The following BMP7 variants were observed in gnomAD, a reference collection of about 807,000 sequenced individuals.
The protein encoded by BMP7 is osteogenic protein 1.
Under a neutral mutation model 41.2 loss-of-function variants are expected in BMP7, and 12 were observed. That is an observed-to-expected ratio of 0.29 (90% CI 0.19 to 0.47). BMP7 has a LOEUF of 0.47. Among genes scored for constraint, BMP7 ranks in the 20% least tolerant of loss-of-function variants. BMP7 has a pLI of 0.99. For missense variants in BMP7, 467 were observed against 606.0 expected (o/e 0.77, Z 2.41); for synonymous variants, 248 against 250.0 (o/e 0.99, Z 0.07).
intron 3 of BMP7, among the ~76,000 whole-genome samples, chr20:57,192,298 T>TATATATACTATAATATATATAGTATATAG (rs1177477030): frequency 7.2e-6 from 1 of 138,678 alleles, no homozygotes; most frequent in Middle Eastern, 3.4e-3. Flanking sequence ...ATAGTATATA[T>TATATATACTATAATATATATAGTATATAG]TATATATAAA....
intron 3 of BMP7, among the ~76,000 whole-genome samples, chr20:57,187,554 C>CCCCT (rs1555812218): frequency 6.9e-6 from 1 of 144,020 alleles, no homozygotes; most frequent in Non-Finnish European, 1.5e-5. Context: ...GGAAGCCTGC[C>CCCCT]CTCTCTCTCT....
At chr20:57,240,390 T>C (rs758339667) in intron 1 of BMP7, among the ~76,000 whole-genome samples, 4 of 152,242 alleles carry the variant, frequency 2.6e-5, no homozygotes, top group Non-Finnish European at 5.9e-5. Flanking sequence ...TTATTGTCCA[T>C]ATCACTATCA....
chr20:57,266,442 A>G lies in BMP7; in HGVS notation c.-320T>C. 5.3e-6 allele frequency: 1 copy of G among 189,206 alleles called. No homozygotes were observed. The allele number at this position is 189,206 out of a possible 1,614,324, so 11.7% of individuals were successfully genotyped here. On this transcript the variant is annotated 5_prime_UTR_variant, in exon 1 of 7. Coordinates refer to ENST00000395863, the MANE Select transcript of BMP7 (RefSeq NM_001719.3). Reference sequence around the variant, plus strand: ...GCAGCCAGCAAGCCTAGGAGTCCAGAGAGCCAACGCCGGGGAGGCAGCGAG... The same window carrying G: ...GCAGCCAGCAAGCCTAGGAGTCCAGGGAGCCAACGCCGGGGAGGCAGCGAG...
intron 1 of BMP7, among the ~76,000 whole-genome samples, chr20:57,229,789 C>T (rs1394771517): frequency 2.0e-5 from 3 of 152,208 alleles, no homozygotes. Context: ...TTATGGCTGC[C>T]CGGTTCCAAG....
At chr20:57,254,017 C>CTTTTTTTTTTT (rs35180643) in intron 1 of BMP7, among the ~76,000 whole-genome samples, 7 of 71,536 alleles carry the variant, frequency 9.8e-5, no homozygotes, top group African/African-American at 1.9e-4. Context: ...GGTTTCTTTC[C>CTTTTTTTTTTT]TTTTTTTTTT....
At chr20:57,250,893 G>A (rs180713864) in intron 1 of BMP7, among the ~76,000 whole-genome samples, 1 of 152,198 alleles carries the variant, frequency 6.6e-6, no homozygotes, top group African/African-American at 2.4e-5. Flanking sequence ...GTGTCCAGTC[G>A]ACACCGACAA....
chr20:57,206,281 G>A (rs983368739), intron 2 of BMP7, among the ~76,000 whole-genome samples: 1 of 152,166 alleles, frequency 6.6e-6, no homozygotes, highest in African/African-American at 2.4e-5. Context: ...CTTCGCCACT[G>A]CTGAGAATCT....
chr20:57,217,635 G>A (rs1211270012), intron 2 of BMP7, among the ~76,000 whole-genome samples: 1 of 152,148 alleles, frequency 6.6e-6, no homozygotes, highest in South Asian at 2.1e-4. Context: ...CCCTCCAAAC[G>A]CTGGGTGACT....
rs147963065 is a variant in BMP7 at position 57,183,762 on chromosome 20, C to A, written c.918G>T (p.Thr306=). 1 of 1,614,150 alleles carries A rather than the reference C, an allele frequency of 6.2e-7. No individual in the cohort carries two copies. Among genetic ancestry groups the A allele is most frequent in the Non-Finnish European group, 8.5e-7 (1 of 1,180,038 alleles). ...TCCGCAGGGCTTCCTGGTTCTTGGGCGTCTTGGAGCGGTTCTGGCTGCGCT... is the reference window on the plus strand; with the variant it reads ...TCCGCAGGGCTTCCTGGTTCTTGGGAGTCTTGGAGCGGTTCTGGCTGCGCT... ...SKQRSQNRSK[T]PKNQEALRMA... is the part of the protein sequence containing the mutation. Residue 306 remains threonine (T), a synonymous_variant, in exon 4 of 7, where the codon ACG becomes ACT. Transcript: ENST00000395863.
At chr20:57,216,550 G>A (rs548884102) in intron 2 of BMP7, among the ~76,000 whole-genome samples, 123 of 149,486 alleles carry the variant, frequency 8.2e-4, no homozygotes, top group Admixed American at 2.5e-3. Context: ...TCCTGAGGGC[G>A]AGGGGCTGTC....
chr20:57,208,010 T>C (rs1212390021), intron 2 of BMP7, among the ~76,000 whole-genome samples: 1 of 151,644 alleles, frequency 6.6e-6, no homozygotes, highest in Non-Finnish European at 1.5e-5. Flanking sequence ...TTTGTATTTT[T>C]AGTAGAGACG....
chr20:57,207,815 T>TG (rs1984770681), intron 2 of BMP7, among the ~76,000 whole-genome samples: 1 of 32,646 alleles, frequency 3.1e-5, no homozygotes. Context: ...CAGTTGGTTT[T>TG]TTTTTTTTTT....
chr20:57,174,806 G>A lies in BMP7; in HGVS notation c.1035+125C>T, dbSNP rs767301115. On this transcript the variant is annotated intron_variant, in intron 5 of 6. Transcript: ENST00000395863. The surrounding 1 kb of genome is among the most constrained non-coding windows in gnomAD (Gnocchi z 4.3). ...CTTAGCCCAAGTCCCCTTCCCTAGC[G>A]AGGCCACTTGATACTGGAGTCTTAA... The A allele has an allele frequency of 7.8e-5, 83 of 1,065,060 alleles. No homozygotes were observed. The highest frequency in any genetic ancestry group is 1.1e-4 in the Non-Finnish European group (78 of 718,358). The allele number at this position is 1,065,060 out of a possible 1,614,324, so 66.0% of individuals were successfully genotyped here. A position where few individuals can be genotyped will look rare whatever the true frequency, so the allele number is the denominator to read the frequency against.
chr20:57,230,737 C>T (rs1275189088), intron 1 of BMP7, among the ~76,000 whole-genome samples: 1 of 149,948 alleles, frequency 6.7e-6, no homozygotes, highest in African/African-American at 2.5e-5. Flanking sequence ...AGTGCAGTGG[C>T]GCGATCTCGG....
chr20:57,250,339 A>ATATC (rs1568729802), intron 1 of BMP7, among the ~76,000 whole-genome samples: 1 of 146,022 alleles, frequency 6.8e-6, no homozygotes, highest in African/African-American at 2.5e-5. Context: ...AATATATAAT[A>ATATC]TATATCTATA....
At chr20:57,234,305 G>T (rs1017716146) in intron 1 of BMP7, among the ~76,000 whole-genome samples, 1 of 152,208 alleles carries the variant, frequency 6.6e-6, no homozygotes, top group Admixed American at 6.5e-5. Context: ...TCCCCGCCTT[G>T]ATCTCTAAGG....
chr20:57,180,168 T>C (rs1729251462), intron 4 of BMP7, among the ~76,000 whole-genome samples: 1 of 152,106 alleles, frequency 6.6e-6, no homozygotes, highest in Non-Finnish European at 1.5e-5. Flanking sequence ...GCAGCCAGAA[T>C]GATCTTATCA....
At position 57,266,200 on chromosome 20, in the gene BMP7, G is replaced by C; in HGVS notation, c.-78C>G. On this transcript the variant is annotated 5_prime_UTR_variant, in exon 1 of 7. Transcript: ENST00000395863. ...CAGGTGGCAGAGGGGGCAGGCGGCC[G>C]TCCGCGCCGCTCGGTCACTTGCTGC... is the stretch of plus-strand genomic sequence containing the variant. 1 of 1,350,546 alleles carries C rather than the reference G, an allele frequency of 7.4e-7. No individual in the cohort carries two copies. The highest frequency in any genetic ancestry group is 9.5e-7 in the Non-Finnish European group (1 of 1,049,940). The allele number at this position is 1,350,546 out of a possible 1,614,324, so 83.7% of individuals were successfully genotyped here.
chr20:57,191,038 C>T (rs114049554), intron 3 of BMP7, among the ~76,000 whole-genome samples: 101 of 152,270 alleles, frequency 6.6e-4, no homozygotes, highest in African/African-American at 2.4e-3. Flanking sequence ...GGAGGAAAAC[C>T]ATCCCTGGTC....
Sources: allele counts gnomAD v4.1 joint callset (sites outside exome capture counted in the v4.1 genomes callset), GRCh38; gene constraint gnomAD v4.1.1; non-coding constraint Gnocchi (gnomAD v3.1); transcripts MANE v1.5; gene names NCBI Gene and HGNC (gene_info 2026-07-23, HGNC 2026-07-21).